Variants in RBFOX2 observed in about 807,000 individuals in gnomAD.
RBFOX2 encodes the protein RNA binding protein fox-1 homolog 2.
RBFOX2 carries 10 observed loss-of-function variants against 49.1 expected under a neutral mutation model. That is an observed-to-expected ratio of 0.20 (90% CI 0.13 to 0.35). The LOEUF is 0.35. Ranked by LOEUF, RBFOX2 falls within the 10% of genes least tolerant of loss-of-function variation. RBFOX2 has a pLI of 1.00. For missense variants in RBFOX2, 323 were observed against 486.9 expected, an observed-to-expected ratio of 0.66 and a Z score of 3.17; for synonymous variants, 183 against 187.4, an observed-to-expected ratio of 0.98 and a Z score of 0.19.
At chr22:35,849,298 A>AACACACACACAC (rs61515031) in intron 1 of RBFOX2, among the ~76,000 whole-genome samples, 56 of 133,350 alleles carry the variant, frequency 4.2e-4, no homozygotes, top group South Asian at 9.9e-4. Flanking sequence ...TACACACACA[A>AACACACACACAC]ACACACACAC....
In RBFOX2 at chr22:35,804,086, T is replaced by C. The variant is rs558805352; in HGVS notation, c.252+5694A>G. Among the ~76,000 whole-genome samples, 11 of 152,276 alleles carry C rather than the reference T, an allele frequency of 7.2e-5. No homozygotes were observed. In the South Asian group the frequency reaches 2.1e-3, roughly 29 times the overall value. On this transcript the variant is annotated intron_variant, in intron 2 of 11. Coordinates refer to ENST00000405409, the Ensembl canonical transcript of RBFOX2. ...TGAGGTCAGGTGTTTGAGACCAGCC[T>C]GGCCAACATGGTGAAACCCCATCTC...
At position 35,781,479 on chromosome 22, in the gene RBFOX2, T is replaced by A. The variant is rs920902967; in HGVS notation, c.399+121A>T. 1.3e-5 allele frequency: 17 copies of A among 1,284,340 alleles called. No homozygotes were observed. In the East Asian group the frequency reaches 3.9e-4, roughly 30 times the overall value. The allele number at this position is 1,284,340 out of a possible 1,614,324, so 79.6% of individuals were successfully genotyped here. A position where few individuals can be genotyped will look rare whatever the true frequency, so the allele number is the denominator to read the frequency against. On this transcript the variant is annotated intron_variant, in intron 3 of 11. Coordinates refer to ENST00000405409, the Ensembl canonical transcript of RBFOX2. ...CTAAAGACTGATGAAAAGACTGATT[T>A]ACCTCAGGTTCTTTCAATCTATTTG...
chr22:35,955,576 A>G (rs1274356085), intron 1 of RBFOX2, among the ~76,000 whole-genome samples: 1 of 152,114 alleles, frequency 6.6e-6, no homozygotes, highest in Non-Finnish European at 1.5e-5. Context: ...TAGTTTCAAG[A>G]TGAAACTGTT....
chr22:35,759,627 C>T lies in RBFOX2; in HGVS notation c.887+261G>A, dbSNP rs533237537. ...CAACACACTGCTAGTAAACACAAGACGGTTCTGGCTACTGTCTTAAGCCAT... is the reference window on the plus strand; with the variant it reads ...CAACACACTGCTAGTAAACACAAGATGGTTCTGGCTACTGTCTTAAGCCAT... On this transcript the variant is annotated intron_variant, in intron 9 of 11. Coordinates refer to ENST00000405409, the Ensembl canonical transcript of RBFOX2. The surrounding 1 kb of genome is among the most constrained non-coding windows in gnomAD (Gnocchi z 4.6). 1.3e-5 allele frequency among the ~76,000 whole-genome samples: 2 copies of T among 152,262 alleles called. No homozygotes were observed. The highest frequency in any genetic ancestry group is 2.1e-4 in the South Asian group (1 of 4,820).
At chr22:35,776,464 A>G (rs1234891081) in intron 4 of RBFOX2, among the ~76,000 whole-genome samples, 2 of 152,224 alleles carry the variant, frequency 1.3e-5, no homozygotes, top group Non-Finnish European at 2.9e-5. Flanking sequence ...GTGTTGATAC[A>G]TTCTACAAAG....
chr22:35,803,113 C>T (rs1266672629), intron 2 of RBFOX2, among the ~76,000 whole-genome samples: 1 of 151,682 alleles, frequency 6.6e-6, no homozygotes, highest in Non-Finnish European at 1.5e-5. Flanking sequence ...GTGGGAGTCA[C>T]ATGTCATAGT....
At chr22:36,007,325 T>C (rs781553488) in intron 1 of RBFOX2, among the ~76,000 whole-genome samples, 5 of 151,776 alleles carry the variant, frequency 3.3e-5, no homozygotes, top group African/African-American at 4.8e-5. Flanking sequence ...CTACATAGAA[T>C]AAACAATGTC....
At chr22:35,751,391 T>C (rs981393461) in intron 9 of RBFOX2, among the ~76,000 whole-genome samples, 1 of 151,736 alleles carries the variant, frequency 6.6e-6, no homozygotes, top group Non-Finnish European at 1.5e-5. Flanking sequence ...TATAGATCAA[T>C]AGAGCAGAGG....
intron 1 of RBFOX2, among the ~76,000 whole-genome samples, chr22:35,847,891 T>A (rs2041419202): frequency 6.6e-6 from 1 of 152,092 alleles, no homozygotes; most frequent in Admixed American, 6.5e-5. Flanking sequence ...GAATATTGAT[T>A]AGAATTTTGC....
At position 35,745,879 on chromosome 22, in the gene RBFOX2, G is replaced by A. The variant is rs16996053; in HGVS notation, c.1049+44C>T. 2,641 of 1,545,574 alleles carry A rather than the reference G, an allele frequency of 1.7e-3. 31 individuals are homozygous for A. The African/African-American group carries it at 0.033, about 19-fold the overall frequency. ...CTTCTGTAGTCTACGGGTAAAAGAAGGAATGAAATGGTTTTATAAAGCAAT... is the reference window on the plus strand; with the variant it reads ...CTTCTGTAGTCTACGGGTAAAAGAAAGAATGAAATGGTTTTATAAAGCAAT... On this transcript the variant is annotated intron_variant, in intron 11 of 11. Coordinates refer to ENST00000405409, the Ensembl canonical transcript of RBFOX2.
chr22:35,897,413 G>A, intron 1 of RBFOX2: 1 of 923,962 alleles, frequency 1.1e-6, no homozygotes, highest in South Asian at 1.3e-5. Context: ...GGTGAGACAA[G>A]GTCATGTCTG....
chr22:35,781,789 T>C (rs377754544), intron 2 of RBFOX2, 43 bp from the exon 4 acceptor site: 14 of 1,611,300 alleles, frequency 8.7e-6, no homozygotes, highest in African/African-American at 2.7e-5. Flanking sequence ...ACAATTACTT[T>C]AAAATAATTA....
At position 36,025,045 on chromosome 22, in the gene RBFOX2, C is replaced by T. The variant is rs151027973; in HGVS notation, c.186+3195G>A. On this transcript the variant is annotated intron_variant, in intron 1 of 13. Transcript: ENST00000438146. The stretch of plus-strand genomic sequence containing the variant: ...CTGGTCTCGAACTCCTGATCTCAGG[C>T]GATCCACCCGCCTCAGTCTCCCAAA... 3.5e-3 allele frequency among the ~76,000 whole-genome samples: 536 copies of T among 152,074 alleles called. 1 individual carries two copies. The highest frequency in any genetic ancestry group is 0.011 in the African/African-American group (472 of 41,468).
intron 1 of RBFOX2, among the ~76,000 whole-genome samples, chr22:35,826,726 G>T (rs1433130483): frequency 6.6e-6 from 1 of 152,096 alleles, no homozygotes; most frequent in Non-Finnish European, 1.5e-5. Flanking sequence ...AGATAGCACT[G>T]AACCCTCATA....
At chr22:36,003,041 T>G (rs1181194603) in intron 1 of RBFOX2, among the ~76,000 whole-genome samples, 1 of 152,222 alleles carries the variant, frequency 6.6e-6, no homozygotes, top group Non-Finnish European at 1.5e-5. Context: ...TGAACTCTTA[T>G]CCCCTATACA....
At chr22:35,950,219 T>A (rs556883338) in intron 1 of RBFOX2, among the ~76,000 whole-genome samples, 17 of 152,062 alleles carry the variant, frequency 1.1e-4, no homozygotes, top group African/African-American at 4.1e-4. Context: ...TAAACATCCA[T>A]TCCATCTATA....
Position 35,761,456 on chromosome 22 carries a change from C to T in RBFOX2, c.620G>A (p.Ser207Asn), listed in dbSNP as rs769587318. ...ACCATATACAGCTCCAACTACTGGG[C>T]TTAATTTCCAACCTGAAACACACAA... Residue 207 changes from serine (S) to asparagine (N), a missense_variant, in exon 7 of 12, where the codon AGC (serine) becomes AAC (asparagine). Coordinates refer to ENST00000405409, the Ensembl canonical transcript of RBFOX2. 8 of 1,614,076 alleles carry T rather than the reference C, an allele frequency of 5.0e-6. No individual in the cohort carries two copies. In the East Asian group the frequency reaches 6.7e-5, roughly 13 times the overall value.
At chr22:35,753,144 C>T (rs1385118071) in intron 9 of RBFOX2, among the ~76,000 whole-genome samples, 3 of 152,330 alleles carry the variant, frequency 2.0e-5, no homozygotes, top group South Asian at 4.1e-4. Flanking sequence ...AGCTCCGATT[C>T]GGTGCACTTT....
intron 1 of RBFOX2, among the ~76,000 whole-genome samples, chr22:35,967,815 C>G (rs1255903738): frequency 6.6e-6 from 1 of 152,124 alleles, no homozygotes; most frequent in Non-Finnish European, 1.5e-5. Flanking sequence ...GTACCATTTA[C>G]CACTTTTCTT....
Sources: gnomAD v4.1 joint callset for allele counts (sites outside exome capture counted in the v4.1 genomes callset) on GRCh38, gnomAD v4.1.1 for gene constraint, Gnocchi (gnomAD v3.1) non-coding constraint, MANE v1.5 for transcripts, NCBI Gene and HGNC (gene_info 2026-07-23, HGNC 2026-07-21) for gene names.